The following ERC1 variants were observed in gnomAD, a reference collection of about 807,000 sequenced individuals.
The protein encoded by ERC1 is RAB6 interacting protein 2.
ERC1 carries 56 observed loss-of-function variants against 132.0 expected under a neutral mutation model. The ratio of observed to expected loss-of-function variants is 0.42; its 90% confidence interval spans 0.34 to 0.53. The LOEUF (loss-of-function observed/expected upper bound fraction) is 0.53, where lower values mean the gene tolerates loss of function less well. ERC1 is among the 20% of genes least tolerant of loss of function. The pLI is 0.03. For synonymous variants in ERC1, 478 were observed against 476.1 expected (o/e 1.00, Z -0.05); for missense variants, 1,202 against 1,349.9 (o/e 0.89, Z 1.72).
intron 2 of ERC1, among the ~76,000 whole-genome samples, chr12:1,032,853 T>G (rs1367403568): frequency 1.3e-5 from 2 of 152,008 alleles, no homozygotes; most frequent in Non-Finnish European, 2.9e-5. Context: ...AAAATGATAG[T>G]ACATTCTCAG....
chr12:1,345,198 T>TTTTTTTTTTTTTTTA (rs1566640336), intron 15 of ERC1, among the ~76,000 whole-genome samples: 9 of 150,500 alleles, frequency 6.0e-5, no homozygotes, highest in East Asian at 3.9e-4. Context: ...TTTTTTTTTT[T>TTTTTTTTTTTTTTTA]GAGACGGAGT....
intron 11 of ERC1, among the ~76,000 whole-genome samples, chr12:1,187,916 A>G (rs1955287897): frequency 6.6e-6 from 1 of 152,178 alleles, no homozygotes; most frequent in Non-Finnish European, 1.5e-5. Context: ...TATCAAGGAG[A>G]ACTAACTTAG....
chr12:1,365,673 G>T (rs535075972), intron 15 of ERC1, among the ~76,000 whole-genome samples: 1 of 152,254 alleles, frequency 6.6e-6, no homozygotes, highest in South Asian at 2.1e-4. Flanking sequence ...AAACAAGAAA[G>T]CTTAAGCAGT....
intron 15 of ERC1, among the ~76,000 whole-genome samples, chr12:1,300,773 A>G (rs1229420743): frequency 2.0e-5 from 3 of 152,218 alleles, no homozygotes; most frequent in African/African-American, 7.2e-5. Context: ...TGCTAGTTGG[A>G]ATGGCTGTTA....
chr12:1,438,334 G>A (rs987152427), intron 17 of ERC1, among the ~76,000 whole-genome samples: 2 of 152,198 alleles, frequency 1.3e-5, no homozygotes, highest in African/African-American at 2.4e-5. Flanking sequence ...GGGGCCTCTG[G>A]ATAAGAATGC....
chr12:1,142,639 G>C (rs1302215557), intron 8 of ERC1, among the ~76,000 whole-genome samples: 1 of 152,216 alleles, frequency 6.6e-6, no homozygotes, highest in Admixed American at 6.5e-5. Flanking sequence ...TGTCTGCAGA[G>C]TGTGTTAATA....
intron 16 of ERC1, among the ~76,000 whole-genome samples, chr12:1,400,192 A>G (rs1295903407): frequency 2.6e-5 from 4 of 152,194 alleles, no homozygotes; most frequent in Admixed American, 6.5e-5. Context: ...GGTGTTGCAC[A>G]TCTTTTCTTG....
intron 1 of ERC1, among the ~76,000 whole-genome samples, chr12:1,019,725 T>C (rs146605224): frequency 6.6e-6 from 1 of 152,234 alleles, no homozygotes; most frequent in East Asian, 1.9e-4. Context: ...TTATTTTTGC[T>C]TTTTTGAGAC....
At chr12:1,213,014 A>G (rs911268247) in intron 12 of ERC1, among the ~76,000 whole-genome samples, 6 of 152,082 alleles carry the variant, frequency 3.9e-5, no homozygotes, top group African/African-American at 7.2e-5. Flanking sequence ...CCCAGAGCCT[A>G]TTTTCTCCTG....
intron 12 of ERC1, among the ~76,000 whole-genome samples, chr12:1,200,197 G>A (rs1202732648): frequency 1.3e-5 from 2 of 151,948 alleles, no homozygotes; most frequent in Admixed American, 1.3e-4. Flanking sequence ...AAAATGTGTT[G>A]GCAAACTTGA....
intron 15 of ERC1, among the ~76,000 whole-genome samples, chr12:1,300,891 C>T (rs889765686): frequency 3.9e-5 from 6 of 151,908 alleles, no homozygotes; most frequent in South Asian, 4.2e-4. Flanking sequence ...GATGATGTGG[C>T]GATTCCTCAA....
chr12:1,475,338 G>T (rs759038293), intron 18 of ERC1, among the ~76,000 whole-genome samples: 1 of 152,142 alleles, frequency 6.6e-6, no homozygotes, highest in Non-Finnish European at 1.5e-5. Flanking sequence ...TGTCTGCTAC[G>T]TGCAGGCCTT....
chr12:1,036,572 C>T (rs542677349), intron 2 of ERC1, among the ~76,000 whole-genome samples: 13 of 152,092 alleles, frequency 8.5e-5, no homozygotes, highest in East Asian at 7.7e-4. Flanking sequence ...GATGGTGTTT[C>T]GCCATGTTGG....
intron 15 of ERC1, among the ~76,000 whole-genome samples, chr12:1,307,083 A>G (rs757180481): frequency 3.9e-5 from 6 of 152,190 alleles, no homozygotes; most frequent in African/African-American, 4.8e-5. Flanking sequence ...TTTGATCGCT[A>G]AGAAGATACC....
chr12:1,420,435 CTTT>C (rs1217730698), intron 17 of ERC1, among the ~76,000 whole-genome samples: 1 of 150,896 alleles, frequency 6.6e-6, no homozygotes, highest in Non-Finnish European at 1.5e-5. Context: ...TGAGGTTAAA[CTTT>C]TTTTTATTTT....
chr12:1,231,083 G>A (rs986682315), intron 12 of ERC1, among the ~76,000 whole-genome samples: 9 of 151,290 alleles, frequency 5.9e-5, no homozygotes, highest in Admixed American at 5.9e-4. Context: ...AGGCCATTTT[G>A]TTGTTCTCTG....
rs1308482789 is a variant in ERC1, at chr12:1,225,450, ACACACACACACACAC to A, written c.2352-11318_2352-11304del. Among the ~76,000 whole-genome samples the A allele has an allele frequency of 1.8e-4, 9 of 50,826 alleles. 1 individual carries two copies. The highest frequency in any genetic ancestry group is 2.5e-4 in the African/African-American group (4 of 16,078). 33.3% of individuals were successfully genotyped at this position (50,826 alleles called of 152,430 possible). A position where few individuals can be genotyped will look rare whatever the true frequency, so the allele number is the denominator to read the frequency against. On this transcript the variant is annotated intron_variant, in intron 12 of 18. Transcript: ENST00000360905. ...GGACAACAAAATGAGGCTGTCTCTT[ACACACACACACACAC>A]ACACACACACACACACACACACACA...
At chr12:1,398,316 A>G (rs1939994108) in intron 16 of ERC1, among the ~76,000 whole-genome samples, 1 of 152,170 alleles carries the variant, frequency 6.6e-6, no homozygotes. Flanking sequence ...CTGAAGGCAT[A>G]TTGATAGTAA....
chr12:1,289,931 A>T lies in ERC1; in HGVS notation c.2699A>T (p.Gln900Leu). The T allele has an allele frequency of 6.2e-7, 1 of 1,614,046 alleles. No individual in the cohort carries two copies. Among genetic ancestry groups the T allele is most frequent in the African/African-American group, 1.3e-5 (1 of 75,064 alleles). The change falls in exon 15 of 19, where the codon CAG becomes CTG. Residue 900 changes from glutamine to leucine, a missense_variant. Coordinates refer to ENST00000360905, the MANE Select transcript of ERC1 (RefSeq NM_178040.4). The stretch of plus-strand genomic sequence containing the variant: ...AAAGCAAAGCTGTCCTCCACCCAGC[A>T]GTCTCTGGCAGAAAAGGAAACTCAC... ...SMKAKLSSTQ[Q>L]SLAEKETHLT...
Sources: gnomAD v4.1 joint callset for allele counts (sites outside exome capture counted in the v4.1 genomes callset) on GRCh38, gnomAD v4.1.1 for gene constraint, MANE v1.5 for transcripts, NCBI Gene and HGNC (gene_info 2026-07-23, HGNC 2026-07-21) for gene names.